Variants in HNRNPA1L3 observed in about 807,000 individuals in gnomAD.
HNRNPA1L3 encodes heterogeneous nuclear ribonucleoprotein A1-like 3.
the HNRNPA1L3 span, chr16:51,645,942 A>G: frequency 6.8e-6 from 11 of 1,606,152 alleles, no homozygotes; most frequent in South Asian, 8.8e-5. Flanking sequence ...ACGCTCACGG[A>G]CTGTGTGGTA....
the HNRNPA1L3 span, chr16:51,646,269 T>C: frequency 2.5e-6 from 4 of 1,596,440 alleles, no homozygotes; most frequent in Non-Finnish European, 3.4e-6. Flanking sequence ...TTTGCCTTTG[T>C]AACCTTTGAC....
chr16:51,646,295 G>A, the HNRNPA1L3 span: 7 of 1,592,602 alleles, frequency 4.4e-6, no homozygotes, highest in African/African-American at 9.4e-5. Flanking sequence ...TGACTCCGTG[G>A]ATAAGATTGT....
chr16:51,646,809 G>A, the HNRNPA1L3 span: 6 of 1,562,132 alleles, frequency 3.8e-6, no homozygotes, highest in Non-Finnish European at 4.4e-6. Flanking sequence ...CAGGAGAGGA[G>A]AGCCAGAGAA....
the HNRNPA1L3 span, chr16:51,646,472 G>A: frequency 1.9e-6 from 3 of 1,597,546 alleles, no homozygotes; most frequent in South Asian, 2.2e-5. Context: ...CTTCGGTCGT[G>A]GAGGAAACTT....
At chr16:51,646,001 T>C in the HNRNPA1L3 span, 1 of 1,597,730 alleles carries the variant, frequency 6.3e-7, no homozygotes, top group Non-Finnish European at 8.5e-7. Flanking sequence ...GTTTGTCACA[T>C]ATGCCACTGT....
the HNRNPA1L3 span, chr16:51,646,073 C>G: frequency 1.0e-5 from 16 of 1,593,438 alleles, no homozygotes; most frequent in Non-Finnish European, 1.4e-5. Context: ...AGTTGTGGAA[C>G]CAAAGAGAGC....
the HNRNPA1L3 span, chr16:51,645,996 T>C: frequency 1.9e-6 from 3 of 1,599,108 alleles, no homozygotes; most frequent in East Asian, 4.5e-5. Flanking sequence ...TTTGGGTTTG[T>C]CACATATGCC....
chr16:51,646,760 G>T, the HNRNPA1L3 span: 3 of 1,596,620 alleles, frequency 1.9e-6, no homozygotes, highest in Admixed American at 5.0e-5. Context: ...CAGTAGCTAT[G>T]GCAGTGGCAG....
At chr16:51,645,926 T>A in the HNRNPA1L3 span, 28 of 1,607,012 alleles carry the variant, frequency 1.7e-5, no homozygotes, top group East Asian at 5.6e-4. Context: ...TTTTGAGCAA[T>A]GGGGAACGCT....
the HNRNPA1L3 span, chr16:51,646,705 T>C: frequency 1.3e-6 from 2 of 1,598,812 alleles, no homozygotes; most frequent in Admixed American, 1.7e-5. Context: ...GCCAATACTT[T>C]GCAAAACCAC....
chr16:51,646,460 A>G, the HNRNPA1L3 span: 2 of 1,596,530 alleles, frequency 1.3e-6, no homozygotes, highest in Non-Finnish European at 1.7e-6. Context: ...TGGGAATGAC[A>G]ACTTCGGTCG....
At chr16:51,647,060 CT>C in the HNRNPA1L3 span, 2 of 440,378 alleles carry the variant, frequency 4.5e-6, no homozygotes, top group Admixed American at 3.8e-5. Context: ...GCACCCCATG[CT>C]GTTGATTGCT....
the HNRNPA1L3 span, chr16:51,645,810 C>T: frequency 6.2e-7 from 1 of 1,607,538 alleles, no homozygotes; most frequent in Non-Finnish European, 8.5e-7. Flanking sequence ...TCTCTTCACC[C>T]TGCCGTCATG....
the HNRNPA1L3 span, chr16:51,645,773 C>T: frequency 0.062 from 99,542 of 1,605,946 alleles, 4,600 homozygotes; most frequent in African/African-American, 0.21. Context: ...TGCCCTTGGA[C>T]GCCGCCGAAG....
the HNRNPA1L3 span, chr16:51,645,875 G>A: frequency 1.9e-6 from 3 of 1,607,070 alleles, no homozygotes; most frequent in South Asian, 2.2e-5. Flanking sequence ...CTTCATTGGA[G>A]GGTTGAGCTT....
chr16:51,646,165 T>A, the HNRNPA1L3 span: 1 of 1,587,992 alleles, frequency 6.3e-7, no homozygotes, highest in Non-Finnish European at 8.5e-7. Flanking sequence ...AAGAAGACAC[T>A]GAAGAACATC....
the HNRNPA1L3 span, chr16:51,645,928 G>A: frequency 6.2e-7 from 1 of 1,606,994 alleles, no homozygotes; most frequent in Non-Finnish European, 8.5e-7. Flanking sequence ...TTGAGCAATG[G>A]GGAACGCTCA....
the HNRNPA1L3 span, chr16:51,646,665 G>A: frequency 3.1e-6 from 5 of 1,598,318 alleles, no homozygotes; most frequent in African/African-American, 1.3e-5. Flanking sequence ...AATTTTGAAG[G>A]CAGAAGCTCT....
At chr16:51,646,376 G>A in the HNRNPA1L3 span, 2 of 1,510,742 alleles carry the variant, frequency 1.3e-6, no homozygotes, top group Non-Finnish European at 1.8e-6. Flanking sequence ...GCAAGAGATG[G>A]CTAGTGCTTC....
Sources: allele counts gnomAD v4.1 joint callset, GRCh38; gene constraint gnomAD v4.1.1; transcripts MANE v1.5; gene names NCBI Gene and HGNC (gene_info 2026-07-23, HGNC 2026-07-21).